The following KCNN2 variants were observed in gnomAD, a reference collection of about 807,000 sequenced individuals.
KCNN2 encodes potassium calcium-activated channel subfamily N member 2, also known as small conductance calcium-activated potassium channel protein 2.
Under a neutral mutation model 55.5 loss-of-function variants are expected in KCNN2, and 24 were observed. The ratio of observed to expected loss-of-function variants is 0.43; its 90% CI spans 0.31 to 0.61. The LOEUF (loss-of-function observed/expected upper bound fraction) is 0.61, where lower values mean the gene tolerates loss of function less well. KCNN2 is among the 20% of genes least tolerant of loss of function. The pLI is 0.08. For synonymous variants in KCNN2, 431 were observed against 336.1 expected (o/e 1.28, Z -3.09); for missense variants, 754 against 853.6 (o/e 0.88, Z 1.45).
intron 2 of KCNN2, among the ~76,000 whole-genome samples, chr5:114,332,906 G>C (rs1018241405): frequency 6.6e-6 from 1 of 152,020 alleles, no homozygotes; most frequent in African/African-American, 2.4e-5. Context: ...ATATAACCTG[G>C]GAAGGAGTCC....
At chr5:114,417,204 A>G (rs1488496612) in intron 3 of KCNN2, among the ~76,000 whole-genome samples, 2 of 152,224 alleles carry the variant, frequency 1.3e-5, no homozygotes, top group Admixed American at 6.5e-5. Context: ...GAAATACCCA[A>G]TATAAAAAGA....
chr5:114,362,489 G>C lies in KCNN2; in HGVS notation c.350G>C (p.Cys117Ser). 1 of 463,314 alleles carries C rather than the reference G, an allele frequency of 2.2e-6. No individual in the cohort carries two copies. The highest frequency in any genetic ancestry group is 3.8e-6 in the Non-Finnish European group (1 of 265,794). The allele number at this position is 463,314 out of a possible 1,614,324, so 28.7% of individuals were successfully genotyped here. A position where few individuals can be genotyped will look rare whatever the true frequency, so the allele number is the denominator to read the frequency against. Residue 117 changes from cysteine to serine, a missense_variant, in exon 1 of 8, where the codon TGC becomes TCC. This residue lies in a region of KCNN2 where 381 missense variants were observed against 259.1 expected (regional missense o/e 1.47). Coordinates refer to ENST00000673685, the MANE Select transcript of KCNN2 (RefSeq NM_021614.4). Reference protein sequence around the residue: ...LSGSSCCCCCCSSRRGSQLNV... With the variant: ...LSGSSCCCCCSSSRRGSQLNV... ...GGCTCGTCCTGCTGCTGCTGCTGCTGCTCGTCGCGCCGGGGCAGCCAGCTC... is the reference window on the plus strand; with the variant it reads ...GGCTCGTCCTGCTGCTGCTGCTGCTCCTCGTCGCGCCGGGGCAGCCAGCTC...
chr5:114,402,233 G>T (rs1181918205), intron 2 of KCNN2, among the ~76,000 whole-genome samples: 1 of 152,180 alleles, frequency 6.6e-6, no homozygotes, highest in Non-Finnish European at 1.5e-5. Flanking sequence ...CAGGACAAAT[G>T]AGATAAAAAT....
chr5:114,135,075 G>T (rs1752148036), intron 1 of KCNN2, among the ~76,000 whole-genome samples: 1 of 152,152 alleles, frequency 6.6e-6, no homozygotes, highest in Admixed American at 6.5e-5. Context: ...AGGCAACAAC[G>T]TCAGAAGCAT....
At chr5:114,076,608 T>A (rs950175098) in intron 1 of KCNN2, among the ~76,000 whole-genome samples, 1 of 152,230 alleles carries the variant, frequency 6.6e-6, no homozygotes, top group Non-Finnish European at 1.5e-5. Context: ...TTATTTCCAT[T>A]TCATTTAAAT....
intron 1 of KCNN2, among the ~76,000 whole-genome samples, chr5:114,065,509 ATTTTGATACTGC>A (rs1413763423): frequency 6.6e-6 from 1 of 152,194 alleles, no homozygotes; most frequent in Non-Finnish European, 1.5e-5. Flanking sequence ...GGTGTGCCTT[ATTTTGATACTGC>A]TTTTATAAGC....
intron 3 of KCNN2, among the ~76,000 whole-genome samples, chr5:114,450,095 A>G (rs1760606366): frequency 6.6e-6 from 1 of 152,018 alleles, no homozygotes; most frequent in African/African-American, 2.4e-5. Context: ...TGCCCGCCAC[A>G]CCGTTCTTTG....
intron 4 of KCNN2, among the ~76,000 whole-genome samples, chr5:114,463,419 G>A (rs1287460059): frequency 6.6e-6 from 1 of 152,190 alleles, no homozygotes; most frequent in Admixed American, 6.5e-5. Context: ...CCCTTGTGGG[G>A]CATGCACTAA....
intron 5 of KCNN2, among the ~76,000 whole-genome samples, chr5:114,481,883 CA>C (rs1194326606): frequency 6.6e-6 from 1 of 151,982 alleles, no homozygotes; most frequent in African/African-American, 2.4e-5. Context: ...CAAAATTAAC[CA>C]AGGTGTATTA....
At chr5:114,452,163 A>G (rs1580854951) in intron 3 of KCNN2, among the ~76,000 whole-genome samples, 1 of 152,168 alleles carries the variant, frequency 6.6e-6, no homozygotes, top group East Asian at 1.9e-4. Context: ...CGTTCTATAA[A>G]TTAGTTCCAG....
intron 2 of KCNN2, among the ~76,000 whole-genome samples, chr5:114,343,879 G>A (rs1358581975): frequency 6.6e-6 from 1 of 152,186 alleles, no homozygotes; most frequent in African/African-American, 2.4e-5. Context: ...ATGCCTGATA[G>A]TCTGAGTTTC....
At chr5:114,111,905 T>C (rs1204581985) in intron 1 of KCNN2, among the ~76,000 whole-genome samples, 1 of 152,204 alleles carries the variant, frequency 6.6e-6, no homozygotes, top group African/African-American at 2.4e-5. Flanking sequence ...TCAACCATTG[T>C]GGAAGACAGT....
At chr5:114,097,690 C>T (rs187911613) in intron 1 of KCNN2, among the ~76,000 whole-genome samples, 1 of 152,318 alleles carries the variant, frequency 6.6e-6, no homozygotes, top group African/African-American at 2.4e-5. Flanking sequence ...TCCCCATCCA[C>T]TTAAAGTATT....
At chr5:114,122,805 C>T (rs1751851820) in intron 1 of KCNN2, among the ~76,000 whole-genome samples, 2 of 152,320 alleles carry the variant, frequency 1.3e-5, no homozygotes, top group African/African-American at 2.4e-5. Context: ...GAAGAGAAGG[C>T]TGCTTGGCTG....
intron 2 of KCNN2, among the ~76,000 whole-genome samples, chr5:114,325,867 T>C (rs975455395): frequency 6.6e-6 from 1 of 152,196 alleles, no homozygotes; most frequent in African/African-American, 2.4e-5. Flanking sequence ...CCAGGAGTAC[T>C]TCTGGTTCCT....
At chr5:114,088,193 A>G (rs938853767) in intron 1 of KCNN2, among the ~76,000 whole-genome samples, 1 of 152,082 alleles carries the variant, frequency 6.6e-6, no homozygotes, top group Admixed American at 6.6e-5. Flanking sequence ...ACAAACAGAC[A>G]TTTATTGTTT....
At chr5:114,111,416 C>G (rs1321832535) in intron 1 of KCNN2, among the ~76,000 whole-genome samples, 2 of 152,130 alleles carry the variant, frequency 1.3e-5, no homozygotes, top group Admixed American at 1.3e-4. Context: ...AGGACACAGG[C>G]ATGGGCAAAG....
intron 1 of KCNN2, among the ~76,000 whole-genome samples, chr5:114,177,657 CAAT>C (rs762107593): frequency 4.6e-5 from 7 of 151,582 alleles, no homozygotes; most frequent in South Asian, 2.1e-4. Context: ...AATATATTAA[CAAT>C]AATAATAATT....
chr5:114,090,559 C>A (rs568546604), intron 1 of KCNN2, among the ~76,000 whole-genome samples: 181 of 128,306 alleles, frequency 1.4e-3, no homozygotes, highest in South Asian at 2.9e-3. Context: ...CTCTCTCTCT[C>A]TCTATATATA....
Sources: gnomAD v4.1 joint callset for allele counts (sites outside exome capture counted in the v4.1 genomes callset) on GRCh38, gnomAD v4.1.1 for gene constraint, gnomAD v4.1.1 regional missense constraint, MANE v1.5 for transcripts, NCBI Gene and HGNC (gene_info 2026-07-23, HGNC 2026-07-21) for gene names.